Variants in PDPR observed in about 807,000 individuals in gnomAD.
PDPR encodes pyruvate dehydrogenase phosphatase regulatory subunit, also known as pyruvate dehydrogenase phosphatase regulatory subunit, mitochondrial.
A neutral mutation model predicts 102.2 loss-of-function variants in PDPR; 50 were observed. The ratio of observed to expected loss-of-function variants is 0.49; its 90% CI spans 0.39 to 0.62. The LOEUF (loss-of-function observed/expected upper bound fraction) is 0.62. PDPR is among the 20% of genes least tolerant of loss of function. The pLI is 0.00. For missense variants in PDPR, 625 were observed against 1,098.2 expected, an observed-to-expected ratio of 0.57 and a Z score of 6.09; for synonymous variants, 259 against 406.0, an observed-to-expected ratio of 0.64 and a Z score of 4.35.
At chr16:70,152,123 C>T (rs1369805766) in intron 17 of PDPR, among the ~76,000 whole-genome samples, 1 of 152,290 alleles carries the variant, frequency 6.6e-6, no homozygotes, top group Non-Finnish European at 1.5e-5. Flanking sequence ...CTGCCGCATT[C>T]TGTGGGTCTC....
Position 70,161,856 on chromosome 16 carries a change from T to C in PDPR, c.*4977T>C, listed in dbSNP as rs1967821530. ...TCATTCTTAGATGCACCTGTTTTTA[T>C]CCTTTGCAGACCATCTTCTGCCTTC... On this transcript the variant is annotated 3_prime_UTR_variant, in exon 19 of 19. Coordinates refer to ENST00000288050, the MANE Select transcript of PDPR (RefSeq NM_017990.5). The C allele has an allele frequency of 6.6e-6, 1 of 152,412 alleles. No individual in the cohort carries two copies. Among genetic ancestry groups the C allele is most frequent in the Non-Finnish European group, 1.5e-5 (1 of 68,094 alleles). 9.4% of individuals were successfully genotyped at this position (152,412 alleles called of 1,614,324 possible).
intron 10 of PDPR, among the ~76,000 whole-genome samples, chr16:70,138,040 T>TC (rs2152094907): frequency 7.9e-6 from 1 of 127,312 alleles, no homozygotes; most frequent in East Asian, 2.2e-4. Flanking sequence ...ACCCAGCTCT[T>TC]TTTTTTTTTT....
intron 18 of PDPR, chr16:70,156,196 A>G: frequency 2.1e-6 from 1 of 485,326 alleles, no homozygotes; most frequent in Non-Finnish European, 3.6e-6. Flanking sequence ...TTTCTTCCTA[A>G]ACGTTTTTGT....
chr16:70,140,679 G>C (rs1419220752), intron 11 of PDPR, among the ~76,000 whole-genome samples: 1 of 152,132 alleles, frequency 6.6e-6, no homozygotes, highest in Admixed American at 6.6e-5. Flanking sequence ...GCCAGATGTG[G>C]TGGTACGTGC....
At chr16:70,125,173 T>G (rs1160971122) in intron 3 of PDPR, among the ~76,000 whole-genome samples, 1 of 152,214 alleles carries the variant, frequency 6.6e-6, no homozygotes, top group South Asian at 2.1e-4. Context: ...GGTCAGGAAT[T>G]CGAAACCAGC....
intron 4 of PDPR, 117 bp from the exon 5 acceptor site, chr16:70,128,667 T>C: frequency 6.4e-7 from 1 of 1,566,464 alleles, no homozygotes; most frequent in East Asian, 2.4e-5. Context: ...CCCAAGGATA[T>C]TGAGTGGCAG....
At chr16:70,115,326 G>A (rs1962528800) in intron 2 of PDPR, among the ~76,000 whole-genome samples, 2 of 152,146 alleles carry the variant, frequency 1.3e-5, no homozygotes, top group Non-Finnish European at 2.9e-5. Flanking sequence ...GTTTCACTAT[G>A]TTGGCCAGGC....
At chr16:70,138,133 C>A (rs1481984805) in intron 10 of PDPR, among the ~76,000 whole-genome samples, 1 of 151,714 alleles carries the variant, frequency 6.6e-6, no homozygotes, top group East Asian at 1.9e-4. Flanking sequence ...CCTCTGCCTC[C>A]CGGGTTCAGG....
intron 3 of PDPR, among the ~76,000 whole-genome samples, chr16:70,123,878 C>CGCCGT (rs553047853): frequency 2.1e-3 from 314 of 152,034 alleles, no homozygotes; most frequent in Admixed American, 0.013. Context: ...CATGGTGAAA[C>CGCCGT]GCCGTCTCTA....
intron 18 of PDPR, among the ~76,000 whole-genome samples, chr16:70,154,896 C>T (rs1238720889): frequency 6.6e-6 from 1 of 152,234 alleles, no homozygotes; most frequent in Non-Finnish European, 1.5e-5. Flanking sequence ...TCCTCGGCCT[C>T]CCAGAGTGCT....
At position 70,161,901 on chromosome 16, in the gene PDPR, A is replaced by T. The variant is rs1783522468; in HGVS notation, c.*5022A>T. ...GCCTTCTTATTTTCCTGTCTGTCAAAGACAGAAATTACAGGAGATAGGGAG... is the reference window on the plus strand; with the variant it reads ...GCCTTCTTATTTTCCTGTCTGTCAATGACAGAAATTACAGGAGATAGGGAG... On this transcript the variant is annotated 3_prime_UTR_variant, in exon 19 of 19. Transcript: ENST00000288050. The T allele has an allele frequency of 6.6e-6, 1 of 152,382 alleles. No individual in the cohort carries two copies. The highest frequency in any genetic ancestry group is 2.1e-4 in the South Asian group (1 of 4,836). The allele number at this position is 152,382 out of a possible 1,614,324, so 9.4% of individuals were successfully genotyped here.
chr16:70,120,272 G>T (rs1172360161), intron 2 of PDPR, 189 bp from the exon 3 acceptor site: 9 of 490,610 alleles, frequency 1.8e-5, no homozygotes, highest in Admixed American at 3.3e-5. Flanking sequence ...GGATGGTCTC[G>T]ATCTCCTGAC....
At position 70,157,377 on chromosome 16, in the gene PDPR, C is replaced by T. The variant is rs1309997961; in HGVS notation, c.*498C>T. 3 of 369,354 alleles carry T rather than the reference C, an allele frequency of 8.1e-6. No individual in the cohort carries two copies. The highest frequency in any genetic ancestry group is 7.2e-5 in the Admixed American group (2 of 27,934). 22.9% of individuals were successfully genotyped at this position (369,354 alleles called of 1,614,324 possible). On this transcript the variant is annotated 3_prime_UTR_variant, in exon 19 of 19. Coordinates refer to ENST00000288050, the MANE Select transcript of PDPR (RefSeq NM_017990.5). ...TGCCTGCAGCCCGGCAGCTCGTTCTCCTGTTCTGCTGTGCTGTGGGCTGGC... is the reference window on the plus strand; with the variant it reads ...TGCCTGCAGCCCGGCAGCTCGTTCTTCTGTTCTGCTGTGCTGTGGGCTGGC...
chr16:70,154,790 A>G (rs887967569), intron 18 of PDPR, among the ~76,000 whole-genome samples: 1 of 152,234 alleles, frequency 6.6e-6, no homozygotes, highest in Non-Finnish European at 1.5e-5. Context: ...CAGATGCACA[A>G]CCATGCCCAG....
chr16:70,118,687 A>G (rs1240682512), intron 2 of PDPR, among the ~76,000 whole-genome samples: 6 of 151,954 alleles, frequency 3.9e-5, no homozygotes, highest in Non-Finnish European at 8.8e-5. Context: ...AAGCAAAGAG[A>G]GCTTGGGCCA....
Position 70,159,555 on chromosome 16 carries a change from G to C in PDPR, c.*2676G>C, listed in dbSNP as rs1415042327. 1.3e-5 allele frequency: 2 copies of C among 152,724 alleles called. No homozygotes were observed. Among genetic ancestry groups the C allele is most frequent in the African/African-American group, 2.4e-5 (1 of 41,488 alleles). The allele number at this position is 152,724 out of a possible 1,614,324, so 9.5% of individuals were successfully genotyped here. On this transcript the variant is annotated 3_prime_UTR_variant, in exon 19 of 19. Coordinates refer to ENST00000288050, the MANE Select transcript of PDPR (RefSeq NM_017990.5). Reference sequence around the variant, plus strand: ...TTCAAATACAAGCTGTGTGAGTCTGGTGGTTTTCTGTGATTGGTCTAATGT... The same window carrying C: ...TTCAAATACAAGCTGTGTGAGTCTGCTGGTTTTCTGTGATTGGTCTAATGT...
chr16:70,136,041 C>G (rs1419125654), intron 9 of PDPR, among the ~76,000 whole-genome samples, 153 bp from the exon 10 acceptor site: 1 of 149,912 alleles, frequency 6.7e-6, no homozygotes. Flanking sequence ...CACACTCCAG[C>G]CGGGGCGACA....
At chr16:70,144,669 G>T in intron 15 of PDPR, 136 bp downstream of exon 15, 1 of 623,630 alleles carries the variant, frequency 1.6e-6, no homozygotes, top group Non-Finnish European at 2.9e-6. Context: ...ATAGAAAATT[G>T]ATCTCTAGGG....
intron 15 of PDPR, among the ~76,000 whole-genome samples, 151 bp downstream of exon 15, chr16:70,144,684 C>T (rs1167710172): frequency 2.6e-5 from 4 of 152,244 alleles, no homozygotes; most frequent in African/African-American, 4.8e-5. Flanking sequence ...CTAGGGGATG[C>T]GGTGGCTGAC....
Sources: gnomAD v4.1 joint callset for allele counts (sites outside exome capture counted in the v4.1 genomes callset) on GRCh38, gnomAD v4.1.1 for gene constraint, MANE v1.5 for transcripts, NCBI Gene and HGNC (gene_info 2026-07-23, HGNC 2026-07-21) for gene names.